Variants in GNG2 observed in about 807,000 individuals in gnomAD.
The protein encoded by GNG2 is guanine nucleotide-binding protein G(I)/G(S)/G(O) subunit gamma-2.
Under a neutral mutation model 5.5 loss-of-function variants are expected in GNG2, and 5 were observed. The ratio of observed to expected loss-of-function variants is 0.91; its 90% confidence interval spans 0.48 to 1.92. The LOEUF (loss-of-function observed/expected upper bound fraction) is 1.92, where lower values mean the gene tolerates loss of function less well. Among genes scored for constraint, GNG2 ranks in the 30% most tolerant of loss-of-function variants. The pLI is 0.01. For missense variants in GNG2, 55 were observed against 88.4 expected (o/e 0.62, Z 1.52); for synonymous variants, 28 against 32.0 (o/e 0.88, Z 0.42).
chr14:51,963,206 A>T (rs1333548608), intron 3 of GNG2, among the ~76,000 whole-genome samples: 1 of 152,218 alleles, frequency 6.6e-6, no homozygotes, highest in Non-Finnish European at 1.5e-5. Flanking sequence ...AAAACACATA[A>T]TATATTTTAA....
intron 3 of GNG2, among the ~76,000 whole-genome samples, 198 bp downstream of exon 3, chr14:51,950,963 A>G (rs778371803): frequency 3.3e-5 from 5 of 152,178 alleles, no homozygotes; most frequent in African/African-American, 4.8e-5. Context: ...TCCCATGTAG[A>G]ATTAAAACCT....
At chr14:51,894,889 T>C (rs1885085945) in intron 2 of GNG2, among the ~76,000 whole-genome samples, 1 of 152,050 alleles carries the variant, frequency 6.6e-6, no homozygotes, top group African/African-American at 2.4e-5. Context: ...ATAGCCTTCT[T>C]CATAGTAAAC....
At chr14:51,916,417 C>A in intron 2 of GNG2, 1 of 449,068 alleles carries the variant, frequency 2.2e-6, no homozygotes, top group Non-Finnish European at 4.5e-6. Context: ...CCACGAGGAC[C>A]TATTTTGTAC....
intron 2 of GNG2, among the ~76,000 whole-genome samples, chr14:51,910,538 T>TG (rs1886229770): frequency 1.3e-5 from 2 of 152,208 alleles, no homozygotes; most frequent in African/African-American, 4.8e-5. Context: ...AGATCTCAGC[T>TG]GGGGCAGGAG....
intron 1 of GNG2, among the ~76,000 whole-genome samples, chr14:51,867,507 G>A (rs114965032): frequency 0.018 from 2,693 of 152,260 alleles, 74 homozygotes; most frequent in African/African-American, 0.061. Flanking sequence ...TCCTCACCAA[G>A]CACCTCTAGT....
chr14:51,875,143 T>A (rs1883572261), intron 1 of GNG2, among the ~76,000 whole-genome samples: 1 of 152,222 alleles, frequency 6.6e-6, no homozygotes, highest in African/African-American at 2.4e-5. Flanking sequence ...AATCCGGACG[T>A]GGATGGCCCA....
At chr14:51,938,728 T>C (rs1376270743) in intron 2 of GNG2, among the ~76,000 whole-genome samples, 1 of 152,196 alleles carries the variant, frequency 6.6e-6, no homozygotes, top group Admixed American at 6.5e-5. Flanking sequence ...AGAGGTCCAG[T>C]TCCTATTTGG....
At chr14:51,891,011 C>G (rs1362021166) in intron 2 of GNG2, among the ~76,000 whole-genome samples, 1 of 152,152 alleles carries the variant, frequency 6.6e-6, no homozygotes, top group East Asian at 1.9e-4. Flanking sequence ...TGGAAAATAA[C>G]TTTCAGTCTC....
chr14:51,901,985 AAAAAAAAG>A (rs1410270619), intron 2 of GNG2, among the ~76,000 whole-genome samples: 2 of 150,622 alleles, frequency 1.3e-5, no homozygotes, highest in African/African-American at 4.9e-5. Flanking sequence ...AAAAAAAAAA[AAAAAAAAG>A]ACCAATGATT....
intron 2 of GNG2, among the ~76,000 whole-genome samples, chr14:51,945,040 T>A (rs1888560632): frequency 6.6e-6 from 1 of 151,908 alleles, no homozygotes; most frequent in South Asian, 2.1e-4. Flanking sequence ...CTCAATTCAT[T>A]AATCATTAGG....
chr14:51,851,354 C>A (rs75106107), intron 2 of GNG2, among the ~76,000 whole-genome samples: 4 of 152,352 alleles, frequency 2.6e-5, no homozygotes, highest in African/African-American at 9.6e-5. Context: ...AGATGCACTT[C>A]GTATCACCAT....
At chr14:51,889,116 T>G (rs1256983477) in intron 2 of GNG2, among the ~76,000 whole-genome samples, 3 of 147,948 alleles carry the variant, frequency 2.0e-5, no homozygotes, top group Middle Eastern at 3.2e-3. Context: ...GCGCTTTTTT[T>G]TTTTTTTTTT....
chr14:51,916,410 C>A (rs761447531), intron 2 of GNG2: 7 of 446,692 alleles, frequency 1.6e-5, no homozygotes, highest in African/African-American at 2.0e-5. Flanking sequence ...TGGCTTCCCA[C>A]GAGGACCTAT....
At chr14:51,955,816 A>G (rs1889245610) in intron 3 of GNG2, among the ~76,000 whole-genome samples, 1 of 152,228 alleles carries the variant, frequency 6.6e-6, no homozygotes, top group African/African-American at 2.4e-5. Context: ...TTTAACATAT[A>G]AAAAGAACAG....
At chr14:51,931,834 T>C (rs1001493278) in intron 2 of GNG2, among the ~76,000 whole-genome samples, 2 of 152,228 alleles carry the variant, frequency 1.3e-5, no homozygotes, top group African/African-American at 2.4e-5. Flanking sequence ...CTTCTGGGTA[T>C]GTATCAAAAG....
At chr14:51,861,291 G>T (rs1367118437) in intron 1 of GNG2, 2 of 152,150 alleles carry the variant, frequency 1.3e-5, no homozygotes, top group East Asian at 3.8e-4. Context: ...CTTGAATTGC[G>T]TATGTGAGGG....
upstream of GNG2, among the ~76,000 whole-genome samples, chr14:51,859,928 C>T (rs1194271184): frequency 6.6e-6 from 1 of 152,162 alleles, no homozygotes; most frequent in Non-Finnish European, 1.5e-5. Context: ...ACTATTAGGC[C>T]TATAGGTAGC....
intron 2 of GNG2, among the ~76,000 whole-genome samples, chr14:51,918,301 A>G (rs1886778321): frequency 6.6e-6 from 1 of 152,124 alleles, no homozygotes; most frequent in African/African-American, 2.4e-5. Flanking sequence ...GCTTCTGGCC[A>G]ATTTTGCTTC....
intron 1 of GNG2, among the ~76,000 whole-genome samples, chr14:51,876,510 G>T (rs145727511): frequency 6.6e-6 from 1 of 152,168 alleles, no homozygotes; most frequent in East Asian, 1.9e-4. Context: ...AATGAGTGCC[G>T]GGCCCAGAAC....
Sources: gnomAD v4.1 joint callset for allele counts (sites outside exome capture counted in the v4.1 genomes callset) on GRCh38, gnomAD v4.1.1 for gene constraint, MANE v1.5 for transcripts, NCBI Gene and HGNC (gene_info 2026-07-23, HGNC 2026-07-21) for gene names.